The following KLF12 variants were observed in gnomAD, a reference collection of about 807,000 sequenced individuals.
KLF12 encodes the protein KLF transcription factor 12.
Under a neutral mutation model 37.8 loss-of-function variants are expected in KLF12, and 9 were observed. The observed-to-expected ratio is 0.24, with a 90% CI of 0.14 to 0.42. The LOEUF (loss-of-function observed/expected upper bound fraction) is 0.42. KLF12 is among the 10% of genes least tolerant of loss of function. The pLI is 1.00. For synonymous variants in KLF12, 208 were observed against 202.1 expected, an observed-to-expected ratio of 1.03 and a Z score of -0.25; for missense variants, 411 against 516.0, an observed-to-expected ratio of 0.80 and a Z score of 1.97.
chr13:73,824,576 T>C (rs75495022), intron 4 of KLF12, among the ~76,000 whole-genome samples: 1,654 of 152,266 alleles, frequency 0.011, 35 homozygotes, highest in African/African-American at 0.037. Flanking sequence ...AAGAACAGTA[T>C]TACTGTATTT....
chr13:73,990,123 A>C (rs17290439), intron 2 of KLF12, among the ~76,000 whole-genome samples: 10,978 of 152,274 alleles, frequency 0.072, 519 homozygotes, highest in Non-Finnish European at 0.1. Context: ...CACTGAGTGA[A>C]ATTAAAAAGT....
chr13:74,048,278 A>C (rs1490903564), intron 1 of KLF12, among the ~76,000 whole-genome samples: 1 of 152,240 alleles, frequency 6.6e-6, no homozygotes, highest in Non-Finnish European at 1.5e-5. Context: ...AGCCACACAC[A>C]CAATGAAAAT....
intron 6 of KLF12, among the ~76,000 whole-genome samples, chr13:73,748,355 T>C (rs1039133815): frequency 1.3e-5 from 2 of 152,198 alleles, no homozygotes; most frequent in Non-Finnish European, 2.9e-5. Flanking sequence ...TGAATGTCTG[T>C]GTCCCCCAAA....
chr13:73,780,744 G>A (rs1455068911), intron 5 of KLF12, among the ~76,000 whole-genome samples: 1 of 152,224 alleles, frequency 6.6e-6, no homozygotes, highest in Admixed American at 6.5e-5. Context: ...TTACAGGCGT[G>A]AGCCACCGCG....
chr13:73,832,936 C>T (rs1001686173), intron 4 of KLF12, among the ~76,000 whole-genome samples: 1 of 152,096 alleles, frequency 6.6e-6, no homozygotes, highest in African/African-American at 2.4e-5. Flanking sequence ...TACAAAGAGA[C>T]ACTGCCTATG....
In KLF12 at chr13:73,845,911, C is replaced by A. The variant is rs766424247; in HGVS notation, c.586G>T (p.Val196Phe). 1.2e-6 allele frequency: 2 copies of A among 1,613,988 alleles called. No homozygotes were observed. Among genetic ancestry groups the A allele is most frequent in the Non-Finnish European group, 1.7e-6 (2 of 1,180,008 alleles). ...CCAGGTGACCTTACAGCTGTGTAGA[C>A]AACAGGCACCGACTGTACCACCACG... is the stretch of plus-strand genomic sequence containing the variant. Residue 196 changes from valine to phenylalanine, a missense_variant, in exon 4 of 8, where the codon GTC becomes TTC. Transcript: ENST00000377669.
At chr13:74,262,841 G>A in the KLF12 span, among the ~76,000 whole-genome samples, 1,324 of 151,920 alleles carry the variant, frequency 8.7e-3, 16 homozygotes, top group African/African-American at 0.03. Flanking sequence ...ACGTATATAT[G>A]TATGTACACA....
intron 3 of KLF12, among the ~76,000 whole-genome samples, chr13:73,876,464 A>C (rs1325621241): frequency 6.6e-6 from 1 of 152,230 alleles, no homozygotes; most frequent in Non-Finnish European, 1.5e-5. Context: ...ATTGTGCCAC[A>C]GGATACAACC....
chr13:74,198,256 TG>T, the KLF12 span, among the ~76,000 whole-genome samples: 1 of 152,042 alleles, frequency 6.6e-6, no homozygotes, highest in South Asian at 2.1e-4. Context: ...GCTAAAACCC[TG>T]GGGTATGGTG....
intron 5 of KLF12, among the ~76,000 whole-genome samples, chr13:73,795,465 A>G (rs1881909154): frequency 6.6e-6 from 1 of 152,232 alleles, no homozygotes; most frequent in East Asian, 1.9e-4. Context: ...ATGAAATATG[A>G]GAATGAAGTA....
intron 1 of KLF12, among the ~76,000 whole-genome samples, chr13:74,003,709 A>C (rs1004947352): frequency 6.6e-6 from 1 of 152,200 alleles, no homozygotes; most frequent in African/African-American, 2.4e-5. Context: ...TTCAAATATG[A>C]ATCAATGAAA....
At chr13:73,719,346 A>G (rs1876054704) in intron 6 of KLF12, among the ~76,000 whole-genome samples, 1 of 151,738 alleles carries the variant, frequency 6.6e-6, no homozygotes, top group South Asian at 2.1e-4. Context: ...AACCAAGTCC[A>G]TGGCTGGAAA....
chr13:74,167,053 G>T, the KLF12 span, among the ~76,000 whole-genome samples: 11 of 152,318 alleles, frequency 7.2e-5, no homozygotes, highest in Non-Finnish European at 1.6e-4. Flanking sequence ...GCTATGTATT[G>T]ATCCTTCTCT....
intron 3 of KLF12, among the ~76,000 whole-genome samples, chr13:73,932,438 A>G (rs560096489): frequency 6.6e-6 from 1 of 152,322 alleles, no homozygotes; most frequent in East Asian, 1.9e-4. Flanking sequence ...TTCAGAGCAC[A>G]GCATTTTTCT....
intron 3 of KLF12, among the ~76,000 whole-genome samples, chr13:73,917,019 C>A (rs1188003025): frequency 6.6e-6 from 1 of 152,146 alleles, no homozygotes; most frequent in Non-Finnish European, 1.5e-5. Flanking sequence ...CTCTTGTGCT[C>A]AACTAGGTCA....
intron 4 of KLF12, among the ~76,000 whole-genome samples, chr13:73,843,690 G>A (rs373933894): frequency 6.6e-6 from 1 of 152,264 alleles, no homozygotes; most frequent in African/African-American, 2.4e-5. Context: ...TAAAAATGAA[G>A]ATTAGTGAGA....
chr13:74,034,824 A>G (rs1001731514), intron 1 of KLF12, among the ~76,000 whole-genome samples: 1 of 152,238 alleles, frequency 6.6e-6, no homozygotes, highest in Admixed American at 6.5e-5. Context: ...GGATTTGTCT[A>G]AGCTTCCAAG....
At chr13:73,838,992 G>A (rs1316141747) in intron 4 of KLF12, among the ~76,000 whole-genome samples, 1 of 152,068 alleles carries the variant, frequency 6.6e-6, no homozygotes, top group Non-Finnish European at 1.5e-5. Context: ...TCACTCCCAG[G>A]CATCAAGGTT....
chr13:73,925,147 T>G (rs1404779644), intron 3 of KLF12, among the ~76,000 whole-genome samples: 2 of 152,204 alleles, frequency 1.3e-5, no homozygotes, highest in African/African-American at 4.8e-5. Flanking sequence ...AGATCATTGA[T>G]GAAGTTGAGA....
Sources: gnomAD v4.1 joint callset for allele counts (sites outside exome capture counted in the v4.1 genomes callset) on GRCh38, gnomAD v4.1.1 for gene constraint, MANE v1.5 for transcripts, NCBI Gene and HGNC (gene_info 2026-07-23, HGNC 2026-07-21) for gene names.